Variants in HR observed in about 807,000 individuals in gnomAD.
The protein encoded by HR is lysine-specific demethylase hairless.
Under a neutral mutation model 128.6 loss-of-function variants are expected in HR, and 83 were observed. The ratio of observed to expected loss-of-function variants is 0.65; its 90% CI spans 0.54 to 0.77. The LOEUF is 0.77. HR is among the 30% of genes least tolerant of loss of function. The pLI, the probability that HR is intolerant of heterozygous loss-of-function variation, is 0.00. For synonymous variants in HR, 681 were observed against 658.2 expected, an observed-to-expected ratio of 1.03 and a Z score of -0.53; for missense variants, 1,490 against 1,574.6, an observed-to-expected ratio of 0.95 and a Z score of 0.91.
rs759055095 is a variant in HR, at chr8:22,116,313, A to G, written c.3494T>C (p.Leu1165Pro). The change falls in exon 18 of 19, where the codon CTG becomes CCG. Residue 1165 changes from leucine (L) to proline (P), a missense_variant. By Grantham distance (98) the Leu-to-Pro change is moderately conservative. This residue lies in a region of HR where 423 missense variants were observed against 495.9 expected (regional missense o/e 0.85). Transcript: ENST00000381418. This position sits in a 1 kb window ranked among gnomAD's most constrained non-coding sequence, Gnocchi z 4.2. The part of the protein sequence containing the change: ...QGPSLPPDCH[L>P]LYAQMDWAVF... ...CATCCCACTCACCTGGGCATAAAGC[A>G]GGTGGCAGTCAGGGGGAAGGCTGGG... is the stretch of plus-strand genomic sequence containing the variant. 19 of 1,612,354 alleles carry G rather than the reference A, an allele frequency of 1.2e-5. No individual in the cohort carries two copies. Among genetic ancestry groups the G allele is most frequent in the Non-Finnish European group, 1.5e-5 (18 of 1,179,836 alleles).
chr8:22,124,441 G>T (rs1311239947), intron 5 of HR, among the ~76,000 whole-genome samples: 2 of 152,210 alleles, frequency 1.3e-5, no homozygotes, highest in Non-Finnish European at 2.9e-5. Flanking sequence ...AGCCATTGTT[G>T]GTAGGTGGAA....
intron 6 of HR, among the ~76,000 whole-genome samples, chr8:22,123,125 G>A (rs543675478): frequency 2.6e-5 from 4 of 152,312 alleles, no homozygotes; most frequent in East Asian, 1.9e-4. Context: ...GTTCTAAAAC[G>A]TGTCTGACCC....
At chr8:22,128,178 T>C (rs1826950532) in intron 2 of HR, 4 of 509,262 alleles carry the variant, frequency 7.9e-6, no homozygotes, top group Admixed American at 3.2e-5. Context: ...GAGTCATCTA[T>C]GGAGGAGGTA....
Position 22,125,449 on chromosome 8 carries a change from A to G in HR, c.1612T>C (p.Ser538Pro), listed in dbSNP as rs1826861575. The G allele has an allele frequency of 1.2e-6, 2 of 1,613,378 alleles. No homozygotes were observed. Among genetic ancestry groups the G allele is most frequent in the Non-Finnish European group, 8.5e-7 (1 of 1,180,018 alleles). The change falls in exon 5 of 19, where the codon TCT (serine) becomes CCT (proline). Residue 538 changes from serine (S) to proline (P), a missense_variant. This residue lies in a region of HR where 1,060 missense variants were observed against 1,060.9 expected (regional missense o/e 1.00). Coordinates refer to ENST00000381418, the MANE Select transcript of HR (RefSeq NM_005144.5). ...QEEDTATNSS[S>P]EEGPGSGPDS... ...GGGCCGGACCCTGGGCCTTCCTCAGAGCTGGAGTTGGTGGCTGTGTCTTCC... is the reference window on the plus strand; with the variant it reads ...GGGCCGGACCCTGGGCCTTCCTCAGGGCTGGAGTTGGTGGCTGTGTCTTCC...
chr8:22,128,001 C>G (rs1826945711), intron 2 of HR, 172 bp from the exon 3 acceptor site: 5 of 695,180 alleles, frequency 7.2e-6, no homozygotes, highest in East Asian at 2.7e-5. Context: ...GTCCTGGCAA[C>G]CCCCACCTCC....
intron 16 of HR, 100 bp from the exon 17 acceptor site, chr8:22,117,139 A>G: frequency 8.1e-7 from 1 of 1,237,606 alleles, no homozygotes; most frequent in South Asian, 1.6e-5. Flanking sequence ...TGGAGAAAAG[A>G]GCCGAAGGGT....
rs147012350 is a variant in HR at position 22,119,185 on chromosome 8, C to A, written c.3076G>T (p.Ala1026Ser). The A allele has an allele frequency of 3.1e-6, 5 of 1,613,878 alleles. No individual in the cohort carries two copies. The highest frequency in any genetic ancestry group is 4.2e-6 in the Non-Finnish European group (5 of 1,180,024). ...ILVHADTPLP[A>S]WHRAQKDFLS... ...CTACCTTTCTGTGCCCGGTGCCAGG[C>A]AGGCAGTGGTGTGTCGGCATGCACC... The change falls in exon 15 of 19, where the codon GCC becomes TCC. Residue 1026 changes from alanine to serine, a missense_variant. Physicochemically the swap from Ala to Ser is moderately conservative, Grantham distance 99. Transcript: ENST00000381418.
At chr8:22,121,292 C>T in intron 9 of HR, 64 bp from the exon 10 acceptor site, 1 of 1,573,334 alleles carries the variant, frequency 6.4e-7, no homozygotes, top group South Asian at 1.2e-5. Flanking sequence ...TCGAGGCCCT[C>T]TTGCCCATGC....
rs1469797112 is a variant in HR at position 22,130,543 on chromosome 8, T to C, written c.-156A>G. On this transcript the variant is annotated 5_prime_UTR_variant, in exon 1 of 19. Transcript: ENST00000381418. ...TCCCGGCCGGCGGGCGAGGACGCGTTCTCCCGCTCTGTCTGCTCAGCGCGC... is the reference window on the plus strand; with the variant it reads ...TCCCGGCCGGCGGGCGAGGACGCGTCCTCCCGCTCTGTCTGCTCAGCGCGC... The C allele has an allele frequency of 2.3e-4, 35 of 152,192 alleles. No individual in the cohort carries two copies. The highest frequency in any genetic ancestry group is 2.9e-5 in the Non-Finnish European group (2 of 68,046). 9.4% of individuals were successfully genotyped at this position (152,192 alleles called of 1,614,324 possible).
intron 12 of HR, 58 bp downstream of exon 12, chr8:22,120,284 A>T (rs1826706553): frequency 1.1e-5 from 18 of 1,612,652 alleles, no homozygotes; most frequent in Non-Finnish European, 1.4e-5. Flanking sequence ...CTCCTCTGCC[A>T]CCCGATCCCT....
At position 22,127,536 on chromosome 8, in the gene HR, A is replaced by G; in HGVS notation, c.906T>C (p.Leu302=). ...TTGCTGGTGGCCCCAGCTGGTACCCAAGGTTCCCATCGCCTGGCCCAGCCC... is the reference window on the plus strand; with the variant it reads ...TTGCTGGTGGCCCCAGCTGGTACCCGAGGTTCCCATCGCCTGGCCCAGCCC... ...NVWAGPGDGN[L]GYQLGPPATP... is the part of the protein sequence containing the mutation. The change falls in exon 3 of 19, where the codon CTT becomes CTC. Residue 302 remains leucine, a synonymous_variant. Coordinates refer to ENST00000381418, the MANE Select transcript of HR (RefSeq NM_005144.5). 1 of 1,613,112 alleles carries G rather than the reference A, an allele frequency of 6.2e-7. No homozygotes were observed. The highest frequency in any genetic ancestry group is 8.5e-7 in the Non-Finnish European group (1 of 1,179,974).
rs767783198 is a variant in HR, at chr8:22,120,858, C to A, written c.2468G>T (p.Gly823Val). ...ALGPGLRAGP[G>V]LRKGLGLPLS... is the part of the protein sequence containing the mutation. ...GGGCAGGCCCAGGCCCTTGCGCAGA[C>A]CCGGGCCAGCTCGAAGCCCCGGCCC... Residue 823 changes from glycine to valine, a missense_variant, in exon 11 of 19, where the codon GGT becomes GTT. Gly to Val is a moderately radical substitution (Grantham distance 109). Transcript: ENST00000381418. 6.4e-7 allele frequency: 1 copy of A among 1,551,892 alleles called. No homozygotes were observed. Among genetic ancestry groups the A allele is most frequent in the Non-Finnish European group, 8.7e-7 (1 of 1,147,726 alleles).
chr8:22,117,004 G>A lies in HR; in HGVS notation c.3249C>T (p.Gly1083=), dbSNP rs552153164. 1.4e-5 allele frequency: 21 copies of A among 1,525,076 alleles called. No homozygotes were observed. The highest frequency in any genetic ancestry group is 1.9e-4 in the Middle Eastern group (1 of 5,390). 94.5% of individuals were successfully genotyped at this position (1,525,076 alleles called of 1,614,324 possible). ...CPAGAGALEP[G]APGSCYLDAG... ...CATCCAGGTAGCAGCTGCCTGGGGC[G>A]CCAGGCTCCAGGGCGCCTGCCCCGG... Residue 1083 remains glycine (G), a synonymous_variant, in exon 17 of 19, where the codon GGC becomes GGT. Transcript: ENST00000381418.
Position 22,120,000 on chromosome 8 carries a change from G to C in HR, c.2846+104C>G. On this transcript the variant is annotated intron_variant, in intron 13 of 18. Transcript: ENST00000381418. ...CCAGAGGGCAAACATGAGAGTACCA[G>C]GGACCACGGGGTGGGGGTTGGGGGC... 4 of 1,586,064 alleles carry C rather than the reference G, an allele frequency of 2.5e-6. No individual in the cohort carries two copies. In the South Asian group the frequency reaches 4.5e-5, roughly 18 times the overall value.
chr8:22,126,244 A>G (rs1282889110), intron 3 of HR, among the ~76,000 whole-genome samples: 1 of 150,438 alleles, frequency 6.6e-6, no homozygotes, highest in Non-Finnish European at 1.5e-5. Flanking sequence ...GAGGGCACAG[A>G]CAGGCCCATG....
intron 6 of HR, 32 bp downstream of exon 6, chr8:22,123,617 T>TCACCCCCCCCC: frequency 3.4e-6 from 1 of 292,092 alleles, no homozygotes. Context: ...GAGGGCTCCA[T>TCACCCCCCCCC]CCCGCCCTCC....
intron 2 of HR, 171 bp from the exon 3 acceptor site, chr8:22,128,000 AC>A (rs1826945766): frequency 1.4e-6 from 1 of 700,898 alleles, no homozygotes; most frequent in South Asian, 1.6e-5. Flanking sequence ...TGTCCTGGCA[AC>A]CCCCACCTCC....
chr8:22,127,088 T>G lies in HR; in HGVS notation c.1354A>C (p.Thr452Pro). The G allele has an allele frequency of 6.2e-7, 1 of 1,610,592 alleles. No individual in the cohort carries two copies. Among genetic ancestry groups the G allele is most frequent in the Non-Finnish European group, 8.5e-7 (1 of 1,178,344 alleles). ...TCCACATCCTTGTTCCCTATCGATG[T>G]GTCCCGCACCTCCTGCCAACCCCCA... ...GAGGWQEVRD[T>P]SIGNKDVDSG... The change falls in exon 3 of 19, where the codon ACA (threonine) becomes CCA (proline). Residue 452 changes from threonine (T) to proline (P), a missense_variant. Around this residue, in one of 3 missense-constraint regions of HR, gnomAD observed 1,060 missense variants for 1,060.9 expected, o/e 1.00. Transcript: ENST00000381418.
chr8:22,124,902 C>T (rs1439413909), intron 5 of HR, among the ~76,000 whole-genome samples: 1 of 152,094 alleles, frequency 6.6e-6, no homozygotes, highest in Non-Finnish European at 1.5e-5. Context: ...GAGGGAGCCC[C>T]GGGGGTCTCC....
Sources: allele counts gnomAD v4.1 joint callset (sites outside exome capture counted in the v4.1 genomes callset), GRCh38; gene constraint gnomAD v4.1.1; regional missense constraint gnomAD v4.1.1; non-coding constraint Gnocchi (gnomAD v3.1); transcripts MANE v1.5; gene names NCBI Gene and HGNC (gene_info 2026-07-23, HGNC 2026-07-21).